The following PKIB variants were observed in gnomAD, a reference collection of about 807,000 sequenced individuals.
The protein encoded by PKIB is PKI-beta.
In PKIB, 2 loss-of-function variants were observed where a neutral mutation model predicts 4.5. That is an observed-to-expected ratio of 0.44 (90% CI 0.18 to 1.39). The LOEUF (loss-of-function observed/expected upper bound fraction) is 1.39. PKIB is among the 40% of genes most tolerant of loss of function. PKIB has a pLI of 0.27. For synonymous variants in PKIB, 38 were observed against 36.0 expected, an observed-to-expected ratio of 1.06 and a Z score of -0.20; for missense variants, 94 against 92.6, an observed-to-expected ratio of 1.02 and a Z score of -0.06.
chr6:122,597,816 A>G (rs1774226589), intron 3 of PKIB, among the ~76,000 whole-genome samples: 2 of 152,144 alleles, frequency 1.3e-5, no homozygotes, highest in South Asian at 2.1e-4. Flanking sequence ...GCACTGGGGA[A>G]ATGACCACAG....
chr6:122,588,358 A>G (rs965207571), intron 3 of PKIB, among the ~76,000 whole-genome samples: 1 of 152,070 alleles, frequency 6.6e-6, no homozygotes, highest in Admixed American at 6.6e-5. Context: ...GTTCTGTTCC[A>G]TTGGTCTAGA....
rs184921027 is a variant in PKIB at position 122,546,440 on chromosome 6, T to G, written c.-247-39481T>G. On this transcript the variant is annotated intron_variant, in intron 2 of 6. Coordinates refer to the PKIB transcript ENST00000392491. ...GTGCGGTTTGGAGCCACAGCTTAGT[T>G]TGCAACAACTTTTCTGCCTCAAAGC... Among the ~76,000 whole-genome samples the G allele has an allele frequency of 1.8e-3, 278 of 152,160 alleles. 8 individuals are homozygous for G. The highest frequency in any genetic ancestry group is 6.4e-3 in the African/African-American group (265 of 41,440).
chr6:122,567,469 A>G (rs1773227176), intron 2 of PKIB, among the ~76,000 whole-genome samples: 1 of 152,182 alleles, frequency 6.6e-6, no homozygotes, highest in Non-Finnish European at 1.5e-5. Context: ...CAGATAAACT[A>G]TCTATACTTG....
chr6:122,482,374 T>A (rs1386981833), intron 2 of PKIB: 1 of 152,188 alleles, frequency 6.6e-6, no homozygotes, highest in African/African-American at 2.4e-5. Context: ...TAATAGGCTC[T>A]TTTCATAGGG....
chr6:122,616,709 A>AT (rs1775005842), intron 1 of PKIB, among the ~76,000 whole-genome samples: 10 of 147,870 alleles, frequency 6.8e-5, no homozygotes, highest in African/African-American at 1.2e-4. Flanking sequence ...AAGGGTGAGT[A>AT]GTTTTTTTTT....
upstream of PKIB, among the ~76,000 whole-genome samples, chr6:122,609,857 C>G (rs1001927764): frequency 6.6e-6 from 1 of 152,128 alleles, no homozygotes; most frequent in Middle Eastern, 3.2e-3. Flanking sequence ...TTGCATATTG[C>G]TTCCTAATCT....
chr6:122,590,307 AG>A (rs1364376861), intron 3 of PKIB, among the ~76,000 whole-genome samples: 1 of 152,230 alleles, frequency 6.6e-6, no homozygotes, highest in Admixed American at 6.5e-5. Flanking sequence ...TATAGTGTGG[AG>A]GTTAAGATCA....
chr6:122,711,638 A>AG (rs1203774805), intron 3 of PKIB, among the ~76,000 whole-genome samples: 1 of 152,132 alleles, frequency 6.6e-6, no homozygotes, highest in Non-Finnish European at 1.5e-5. Context: ...CACATACTCA[A>AG]GGAGGCTACA....
intron 2 of PKIB, among the ~76,000 whole-genome samples, chr6:122,523,806 C>T (rs1777018580): frequency 6.6e-6 from 1 of 151,854 alleles, no homozygotes; most frequent in South Asian, 2.1e-4. Flanking sequence ...AAGGATGTTC[C>T]CCTGCACAAG....
chr6:122,476,469 A>G (rs367814873), intron 1 of PKIB, among the ~76,000 whole-genome samples: 83 of 152,292 alleles, frequency 5.5e-4, no homozygotes, highest in Middle Eastern at 3.4e-3. Context: ...ACTCTCTTCA[A>G]TTATGGTCTT....
intron 2 of PKIB, among the ~76,000 whole-genome samples, chr6:122,563,604 T>A (rs530836130): frequency 3.7e-4 from 56 of 152,182 alleles, no homozygotes; most frequent in South Asian, 8.3e-4. Flanking sequence ...TAGGCATGTC[T>A]GAGCTCAGGC....
rs573768349 is a variant in PKIB at position 122,508,888 on chromosome 6, C to T, written c.-248+30949C>T. On this transcript the variant is annotated intron_variant, in intron 2 of 6. Coordinates refer to the PKIB transcript ENST00000392491. ...GCCTCAGCGTCCCGAGTAGCTGGGA[C>T]TACAGGTGCCCGCCACCATGCCCAG... is the stretch of plus-strand genomic sequence containing the variant. Among the ~76,000 whole-genome samples the T allele has an allele frequency of 6.6e-5, 10 of 152,002 alleles. No individual in the cohort carries two copies. In the South Asian group the frequency reaches 2.1e-3, roughly 32 times the overall value.
At chr6:122,489,130 G>A (rs1335908158) in intron 2 of PKIB, among the ~76,000 whole-genome samples, 2 of 152,078 alleles carry the variant, frequency 1.3e-5, no homozygotes, top group East Asian at 3.9e-4. Flanking sequence ...TTCTACTTGT[G>A]TTAGCTGCCT....
At chr6:122,487,588 G>T (rs1775806615) in intron 2 of PKIB, among the ~76,000 whole-genome samples, 1 of 152,168 alleles carries the variant, frequency 6.6e-6, no homozygotes, top group Non-Finnish European at 1.5e-5. Context: ...CAGCAAGAAG[G>T]TGCTGTTTTG....
At chr6:122,660,943 C>G (rs1354686582) in intron 2 of PKIB, among the ~76,000 whole-genome samples, 1 of 152,020 alleles carries the variant, frequency 6.6e-6, no homozygotes, top group Non-Finnish European at 1.5e-5. Flanking sequence ...TATACTTAGA[C>G]TTTTTTAGTG....
At chr6:122,580,188 T>C (rs1338791004) in intron 2 of PKIB, among the ~76,000 whole-genome samples, 1 of 151,336 alleles carries the variant, frequency 6.6e-6, no homozygotes, top group African/African-American at 2.4e-5. Context: ...GTAGTCAAAT[T>C]CAAACATATT....
intron 2 of PKIB, among the ~76,000 whole-genome samples, chr6:122,660,515 A>G (rs1447089347): frequency 6.6e-6 from 1 of 152,128 alleles, no homozygotes; most frequent in Admixed American, 6.6e-5. Flanking sequence ...CCATGCTTGG[A>G]TCTCAGGGCT....
At chr6:122,683,036 C>G (rs1182654937) in intron 3 of PKIB, among the ~76,000 whole-genome samples, 1 of 152,124 alleles carries the variant, frequency 6.6e-6, no homozygotes, top group Non-Finnish European at 1.5e-5. Context: ...TGCTCATCTC[C>G]CACAGGCAAG....
chr6:122,635,571 A>T (rs1026082659), intron 2 of PKIB, among the ~76,000 whole-genome samples: 8 of 151,576 alleles, frequency 5.3e-5, no homozygotes, highest in African/African-American at 1.7e-4. Flanking sequence ...AACTAAAAAA[A>T]GTATCACAAA....
Sources: gnomAD v4.1 joint callset for allele counts (sites outside exome capture counted in the v4.1 genomes callset) on GRCh38, gnomAD v4.1.1 for gene constraint, MANE v1.5 for transcripts, NCBI Gene and HGNC (gene_info 2026-07-23, HGNC 2026-07-21) for gene names.